POFUT3: variants seen among roughly 807,000 people sequenced by gnomAD.
POFUT3 encodes the protein GDP-fucose protein O-fucosyltransferase 3.
chr8:33,411,163 T>C, the POFUT3 span, among the ~76,000 whole-genome samples: 12 of 152,138 alleles, frequency 7.9e-5, no homozygotes, highest in Non-Finnish European at 1.6e-4. Context: ...AGGATTAGAA[T>C]TGGTGAATGA....
At chr8:33,407,999 AAAAAAAGAAAAG>A in the POFUT3 span, among the ~76,000 whole-genome samples, 1 of 151,230 alleles carries the variant, frequency 6.6e-6, no homozygotes. Flanking sequence ...AAAAAAAAAA[AAAAAAAGAAAAG>A]AAAAGAAAGA....
chr8:33,373,927 A>G, the POFUT3 span, among the ~76,000 whole-genome samples: 3 of 152,184 alleles, frequency 2.0e-5, no homozygotes, highest in Non-Finnish European at 4.4e-5. Flanking sequence ...CAAGCAATCA[A>G]AGTTAACATT....
At chr8:33,460,049 G>C in the POFUT3 span, among the ~76,000 whole-genome samples, 3 of 152,308 alleles carry the variant, frequency 2.0e-5, no homozygotes, top group African/African-American at 7.2e-5. Context: ...TGAAAAATTA[G>C]CTAGGTGGCG....
chr8:33,451,220 T>C, the POFUT3 span, among the ~76,000 whole-genome samples: 1 of 152,160 alleles, frequency 6.6e-6, no homozygotes, highest in African/African-American at 2.4e-5. Context: ...ATCCCAAATA[T>C]GAAATTCTGA....
At chr8:33,374,235 C>G in the POFUT3 span, among the ~76,000 whole-genome samples, 1 of 152,142 alleles carries the variant, frequency 6.6e-6, no homozygotes, top group Non-Finnish European at 1.5e-5. Flanking sequence ...AAAATTGTCT[C>G]CCACAAAATA....
At chr8:33,449,086 C>T in the POFUT3 span, among the ~76,000 whole-genome samples, 7 of 152,094 alleles carry the variant, frequency 4.6e-5, no homozygotes, top group African/African-American at 1.7e-4. Flanking sequence ...GAAGGTCATA[C>T]AGTATAAGAC....
At chr8:33,375,090 C>T in the POFUT3 span, among the ~76,000 whole-genome samples, 2 of 151,570 alleles carry the variant, frequency 1.3e-5, no homozygotes, top group African/African-American at 2.4e-5. Context: ...CGGGGTTTCA[C>T]CATGTTGTCC....
the POFUT3 span, among the ~76,000 whole-genome samples, chr8:33,352,236 T>G: frequency 6.6e-6 from 1 of 152,160 alleles, no homozygotes; most frequent in South Asian, 2.1e-4. Context: ...CAAAACCACC[T>G]TATGAGGAAG....
At chr8:33,338,183 G>A in the POFUT3 span, among the ~76,000 whole-genome samples, 1 of 152,176 alleles carries the variant, frequency 6.6e-6, no homozygotes, top group African/African-American at 2.4e-5. Context: ...GGAGGTTAGG[G>A]CTTCAATATG....
At chr8:33,335,689 A>T in the POFUT3 span, among the ~76,000 whole-genome samples, 1 of 152,194 alleles carries the variant, frequency 6.6e-6, no homozygotes, top group Non-Finnish European at 1.5e-5. Flanking sequence ...CTTACCAATA[A>T]CATAAACAGC....
chr8:33,398,329 G>A, the POFUT3 span, among the ~76,000 whole-genome samples: 197 of 152,194 alleles, frequency 1.3e-3, 1 homozygote, highest in African/African-American at 4.4e-3. Flanking sequence ...TAAAACTGTC[G>A]TATTTTCATG....
chr8:33,322,418 T>G, the POFUT3 span, among the ~76,000 whole-genome samples: 1 of 152,092 alleles, frequency 6.6e-6, no homozygotes, highest in Non-Finnish European at 1.5e-5. Flanking sequence ...GCCCTGAGCT[T>G]GGCTTGTGAC....
At chr8:33,440,995 T>C in the POFUT3 span, among the ~76,000 whole-genome samples, 2 of 152,104 alleles carry the variant, frequency 1.3e-5, no homozygotes, top group Admixed American at 1.3e-4. Context: ...ATAAGGTATA[T>C]CAAACTATGA....
the POFUT3 span, among the ~76,000 whole-genome samples, chr8:33,379,832 T>TTG: frequency 2.4e-3 from 16 of 6,736 alleles, no homozygotes; most frequent in African/African-American, 8.0e-3. Context: ...CAAGACTCTG[T>TTG]CTAAAAAAAA....
the POFUT3 span, among the ~76,000 whole-genome samples, chr8:33,418,230 C>T: frequency 6.6e-6 from 1 of 152,202 alleles, no homozygotes; most frequent in South Asian, 2.1e-4. Flanking sequence ...GACAATGATC[C>T]CACTGGCCCC....
chr8:33,335,797 A>G, the POFUT3 span, among the ~76,000 whole-genome samples: 1 of 152,172 alleles, frequency 6.6e-6, no homozygotes, highest in Admixed American at 6.5e-5. Context: ...TCAAAAAGAG[A>G]AAATATATTT....
At chr8:33,315,534 AG>A in the POFUT3 span, among the ~76,000 whole-genome samples, 1 of 152,074 alleles carries the variant, frequency 6.6e-6, no homozygotes, top group Non-Finnish European at 1.5e-5. Flanking sequence ...GGTCGTGAAG[AG>A]GGGGTCAGAA....
At chr8:33,472,403 T>A in the POFUT3 span, among the ~76,000 whole-genome samples, 2 of 152,086 alleles carry the variant, frequency 1.3e-5, no homozygotes, top group Non-Finnish European at 2.9e-5. Context: ...CACAGAAAAA[T>A]TACTTCTATA....
At chr8:33,392,387 C>T in the POFUT3 span, among the ~76,000 whole-genome samples, 1 of 151,864 alleles carries the variant, frequency 6.6e-6, no homozygotes, top group Non-Finnish European at 1.5e-5. Flanking sequence ...ACCAGCCTGG[C>T]CAACATGGTG....
Sources: gnomAD v4.1 joint callset for allele counts (sites outside exome capture counted in the v4.1 genomes callset) on GRCh38, gnomAD v4.1.1 for gene constraint, MANE v1.5 for transcripts, NCBI Gene and HGNC (gene_info 2026-07-23, HGNC 2026-07-21) for gene names.